Variants in USP6NL observed in about 807,000 individuals in gnomAD.
USP6NL encodes USP6 N-terminal like.
USP6NL carries 26 observed loss-of-function variants against 61.9 expected under a neutral mutation model. The observed-to-expected ratio is 0.42, with a 90% CI of 0.31 to 0.58. The LOEUF (loss-of-function observed/expected upper bound fraction) is 0.58. Ranked by LOEUF, USP6NL falls within the 20% of genes least tolerant of loss-of-function variation. USP6NL has a pLI of 0.16. For synonymous variants in USP6NL, 432 were observed against 390.1 expected (o/e 1.11, Z -1.27); for missense variants, 1,114 against 1,034.3 (o/e 1.08, Z -1.06).
intron 14 of USP6NL, among the ~76,000 whole-genome samples, chr10:11,466,048 AC>A (rs1832437443): frequency 6.6e-6 from 1 of 152,154 alleles, no homozygotes; most frequent in Non-Finnish European, 1.5e-5. Context: ...GGCAGTAACA[AC>A]CCTATAGGGG....
rs78827470 is a variant in USP6NL, at chr10:11,473,613, C to T, written c.1078+8157G>A. 8.9e-3 allele frequency among the ~76,000 whole-genome samples: 1,347 copies of T among 152,176 alleles called. 11 individuals carry two copies. Among genetic ancestry groups the T allele is most frequent in the Admixed American group, 0.017 (259 of 15,292 alleles). On this transcript the variant is annotated intron_variant, in intron 14 of 14. Transcript: ENST00000609104. ...CCGATTAGAGCTGTGAGCTGCAAGG[C>T]GCAGGGCCAGGTGGGTGTAATGCAC... is the stretch of plus-strand genomic sequence containing the variant.
At position 11,496,127 on chromosome 10, in the gene USP6NL, G is replaced by C. The variant is rs1352117420; in HGVS notation, c.385-2899C>G. On this transcript the variant is annotated intron_variant, in intron 7 of 14. Transcript: ENST00000609104. This position sits in a 1 kb window ranked among gnomAD's most constrained non-coding sequence, Gnocchi z 5.4. ...CAACTCCTCTGCTTTCATGACAGCA[G>C]CTCACCCTCAGCAAGGTCTGCGTTT... Among the ~76,000 whole-genome samples, 2 of 152,234 alleles carry C rather than the reference G, an allele frequency of 1.3e-5. No individual in the cohort carries two copies. Among genetic ancestry groups the C allele is most frequent in the African/African-American group, 2.4e-5 (1 of 41,468 alleles).
rs1040755243 is a variant in USP6NL, at chr10:11,463,396, G to A, written c.1532C>T (p.Ala511Val). The A allele has an allele frequency of 9.3e-6, 15 of 1,613,910 alleles. No individual in the cohort carries two copies. The highest frequency in any genetic ancestry group is 1.6e-4 in the Middle Eastern group (1 of 6,084). ...GACGGTAACTGCGAGCGCGGGGTGC[G>A]CTGCTCGACCTTTGCCTTCCATGGT... is the stretch of plus-strand genomic sequence containing the variant. ...KYTMEGKGRA[A>V]HPALAVTVPG... is the part of the protein sequence containing the mutation. Residue 511 changes from alanine (A) to valine (V), a missense_variant, in exon 15 of 15, where the codon GCG becomes GTG. Ala to Val is a moderately conservative substitution (Grantham distance 64, BLOSUM62 0). Coordinates refer to ENST00000609104, the MANE Select transcript of USP6NL (RefSeq NM_014688.5). The surrounding 1 kb of genome is among the most constrained non-coding windows in gnomAD (Gnocchi z 6.3).
Position 11,596,920 on chromosome 10 carries a change from T to A in USP6NL, c.4+711A>T. Reference sequence around the variant, plus strand: ...GAAAAACATTTAAACTCTAATATCATCTTCCAATAAGAAAATGCTCATTGC... The same window carrying A: ...GAAAAACATTTAAACTCTAATATCAACTTCCAATAAGAAAATGCTCATTGC... On this transcript the variant is annotated intron_variant, in intron 2 of 14. Coordinates refer to ENST00000609104, the MANE Select transcript of USP6NL (RefSeq NM_014688.5). This position sits in a 1 kb window ranked among gnomAD's most constrained non-coding sequence, Gnocchi z 4.1. Among the ~76,000 whole-genome samples the A allele has an allele frequency of 6.6e-6, 1 of 152,156 alleles. No homozygotes were observed. Among genetic ancestry groups the A allele is most frequent in the Non-Finnish European group, 1.5e-5 (1 of 68,012 alleles).
intron 2 of USP6NL, among the ~76,000 whole-genome samples, chr10:11,569,694 A>G (rs1409218833): frequency 6.6e-6 from 1 of 152,226 alleles, no homozygotes; most frequent in Non-Finnish European, 1.5e-5. Flanking sequence ...AGCAGCAAGT[A>G]TTCTGATGTA....
chr10:11,473,648 G>A (rs1175621089), intron 14 of USP6NL, among the ~76,000 whole-genome samples: 1 of 152,178 alleles, frequency 6.6e-6, no homozygotes, highest in African/African-American at 2.4e-5. Context: ...CAGCTCTGGA[G>A]TCAACTGACA....
intron 5 of USP6NL, among the ~76,000 whole-genome samples, chr10:11,517,362 C>G (rs1218542672): frequency 6.6e-6 from 1 of 152,200 alleles, no homozygotes; most frequent in Non-Finnish European, 1.5e-5. Flanking sequence ...TACAAAGAAT[C>G]TGCCTTTCCC....
intron 2 of USP6NL, among the ~76,000 whole-genome samples, chr10:11,572,299 T>C (rs1344398374): frequency 6.6e-6 from 1 of 152,088 alleles, no homozygotes; most frequent in African/African-American, 2.4e-5. Flanking sequence ...AATCCTGCTA[T>C]TTAGAGATGG....
intron 6 of USP6NL, among the ~76,000 whole-genome samples, chr10:11,508,639 C>A (rs1650314024): frequency 6.6e-6 from 1 of 152,190 alleles, no homozygotes; most frequent in Non-Finnish European, 1.5e-5. Context: ...AAAGTGTTAA[C>A]TTGATTAAAT....
rs191826757 is a variant in USP6NL at position 11,491,413 on chromosome 10, G to A, written c.495-533C>T. The stretch of plus-strand genomic sequence containing the variant: ...CTCTCTAGAGATCCACTAGCAAAGC[G>A]TTTGCTTCTTGGCCCTGCAAGCTTG... On this transcript the variant is annotated intron_variant, in intron 8 of 14. Coordinates refer to ENST00000609104, the MANE Select transcript of USP6NL (RefSeq NM_014688.5). The surrounding 1 kb of genome is among the most constrained non-coding windows in gnomAD (Gnocchi z 4.7). Among the ~76,000 whole-genome samples the A allele has an allele frequency of 1.2e-4, 19 of 152,272 alleles. No homozygotes were observed. The highest frequency in any genetic ancestry group is 7.2e-4 in the Admixed American group (11 of 15,310).
chr10:11,494,584 C>T (rs937287343), intron 7 of USP6NL, among the ~76,000 whole-genome samples: 6 of 151,974 alleles, frequency 3.9e-5, no homozygotes, highest in African/African-American at 7.3e-5. Flanking sequence ...GTAGTGGCCC[C>T]GAATGTCTGG....
At position 11,532,232 on chromosome 10, in the gene USP6NL, T is replaced by C. The variant is rs941665104; in HGVS notation, c.5-4665A>G. 5.0e-6 allele frequency: 8 copies of C among 1,600,930 alleles called. No individual in the cohort carries two copies. The highest frequency in any genetic ancestry group is 4.3e-6 in the Non-Finnish European group (5 of 1,173,242). On this transcript the variant is annotated intron_variant, in intron 2 of 14. Transcript: ENST00000609104. The surrounding 1 kb of genome is among the most constrained non-coding windows in gnomAD (Gnocchi z 4.1). ...GAATTAACAACAGCTTCAGTCCTCATAGAGTAACTTATCTATTCCAAGATT... is the reference window on the plus strand; with the variant it reads ...GAATTAACAACAGCTTCAGTCCTCACAGAGTAACTTATCTATTCCAAGATT...
chr10:11,463,540 T>C lies in USP6NL; in HGVS notation c.1388A>G (p.Gln463Arg), dbSNP rs780799432. The C allele has an allele frequency of 6.2e-7, 1 of 1,614,068 alleles. No homozygotes were observed. Among genetic ancestry groups the C allele is most frequent in the Non-Finnish European group, 8.5e-7 (1 of 1,179,896 alleles). The stretch of plus-strand genomic sequence containing the variant: ...TTGGTTGGCAGCTGCGTGATTATAT[T>C]GCCTGGAACTGTCCTGTGGACCCGA... ...LPSGPQDSSRQYNHAAANQNS... is the reference protein window; with the variant it reads ...LPSGPQDSSRRYNHAAANQNS... Residue 463 changes from glutamine to arginine, a missense_variant, in exon 15 of 15, where the codon CAA becomes CGA. Coordinates refer to ENST00000609104, the MANE Select transcript of USP6NL (RefSeq NM_014688.5). The surrounding 1 kb of genome is among the most constrained non-coding windows in gnomAD (Gnocchi z 6.3).
intron 1 of USP6NL, among the ~76,000 whole-genome samples, chr10:11,610,130 T>C (rs994598263): frequency 1.3e-5 from 2 of 152,218 alleles, no homozygotes; most frequent in Admixed American, 6.5e-5. Context: ...GTACTTGCAA[T>C]TAGGATTTCT....
chr10:11,472,280 T>C (rs1832783039), intron 14 of USP6NL, among the ~76,000 whole-genome samples: 1 of 152,356 alleles, frequency 6.6e-6, no homozygotes, highest in Admixed American at 6.5e-5. Flanking sequence ...GAAGAGTCCC[T>C]CTCAGGCCCT....
At chr10:11,584,886 C>T (rs536506634) in intron 2 of USP6NL, among the ~76,000 whole-genome samples, 6 of 152,040 alleles carry the variant, frequency 3.9e-5, no homozygotes, top group East Asian at 1.9e-4. Flanking sequence ...TGTAGTGAGC[C>T]GAGATCATGC....
At chr10:11,533,874 C>T (rs1311265802) in intron 2 of USP6NL, among the ~76,000 whole-genome samples, 1 of 152,144 alleles carries the variant, frequency 6.6e-6, no homozygotes, top group Non-Finnish European at 1.5e-5. Context: ...AACAAAACAG[C>T]AACAGGAAGA....
chr10:11,535,148 T>TG (rs1447515181), intron 2 of USP6NL, among the ~76,000 whole-genome samples: 1 of 152,224 alleles, frequency 6.6e-6, no homozygotes, highest in Non-Finnish European at 1.5e-5. Flanking sequence ...CAACCATTTC[T>TG]GGGGGAAGAG....
At position 11,584,829 on chromosome 10, in the gene USP6NL, A is replaced by G. The variant is rs1383045536; in HGVS notation, c.4+12802T>C. On this transcript the variant is annotated intron_variant, in intron 2 of 14. Coordinates refer to ENST00000609104, the MANE Select transcript of USP6NL (RefSeq NM_014688.5). ...GGAGCACACCTGTAGTCCCAGCTACATGAGAGGCTGAGGTGGGAGAATCAC... is the reference window on the plus strand; with the variant it reads ...GGAGCACACCTGTAGTCCCAGCTACGTGAGAGGCTGAGGTGGGAGAATCAC... Among the ~76,000 whole-genome samples the G allele has an allele frequency of 2.6e-5, 4 of 151,942 alleles. No homozygotes were observed. The East Asian group carries it at 7.7e-4, about 29-fold the overall frequency.
Sources: gnomAD v4.1 joint callset for allele counts (sites outside exome capture counted in the v4.1 genomes callset) on GRCh38, gnomAD v4.1.1 for gene constraint, Gnocchi (gnomAD v3.1) non-coding constraint, MANE v1.5 for transcripts, NCBI Gene and HGNC (gene_info 2026-07-23, HGNC 2026-07-21) for gene names.